Variants in GABRR3 observed in about 807,000 individuals in gnomAD.
GABRR3 encodes the protein gamma-aminobutyric acid type A receptor subunit rho3.
In GABRR3, 29 loss-of-function variants were observed where a neutral mutation model predicts 43.2. The ratio of observed to expected loss-of-function variants is 0.67; its 90% CI spans 0.50 to 0.92. The LOEUF (loss-of-function observed/expected upper bound fraction) is 0.92, where lower values mean the gene tolerates loss of function less well. Ranked by LOEUF, GABRR3 falls within the 40% of genes least tolerant of loss-of-function variation. The pLI is 0.00. For synonymous variants in GABRR3, 206 were observed against 195.9 expected (o/e 1.05, Z -0.43); for missense variants, 576 against 572.3 (o/e 1.01, Z -0.07).
chr3:98,003,443 G>T (rs1706679144), intron 7 of GABRR3, among the ~76,000 whole-genome samples: 1 of 150,110 alleles, frequency 6.7e-6, no homozygotes, highest in African/African-American at 2.5e-5. Flanking sequence ...GTGGGGTGGG[G>T]GCAGGGTGGA....
In GABRR3 at chr3:97,993,064, A is replaced by C. The variant is rs376493639; in HGVS notation, c.908-16T>G. 1.3e-6 allele frequency: 2 copies of C among 1,574,890 alleles called. No homozygotes were observed. Among genetic ancestry groups the C allele is most frequent in the South Asian group, 2.4e-5 (2 of 83,752 alleles). Reference sequence around the variant, plus strand: ...GTGGTGATTCCTGCCATTTGAGAATAGTGGCAAGCTCAGTGATATAGCCAT... The same window carrying C: ...GTGGTGATTCCTGCCATTTGAGAATCGTGGCAAGCTCAGTGATATAGCCAT... On this transcript the variant is annotated splice_polypyrimidine_tract_variant and intron_variant, in intron 8 of 9. Coordinates refer to ENST00000621172, the Ensembl canonical transcript of GABRR3.
intron 2 of GABRR3, among the ~76,000 whole-genome samples, chr3:98,026,505 G>C (rs140651470): frequency 6.6e-6 from 1 of 152,182 alleles, no homozygotes; most frequent in East Asian, 1.9e-4. Flanking sequence ...GGGTGTGGAG[G>C]GGAAATGTCT....
At chr3:97,986,054 C>T (rs956944343), downstream of GABRR3, among the ~76,000 whole-genome samples, 7 of 152,084 alleles carry the variant, frequency 4.6e-5, no homozygotes, top group Admixed American at 6.6e-5. Context: ...TTAGTAGAGA[C>T]GGGGTTTCAC....
At chr3:97,992,532 A>G (rs1706484498) in intron 9 of GABRR3, among the ~76,000 whole-genome samples, 1 of 152,172 alleles carries the variant, frequency 6.6e-6, no homozygotes, top group South Asian at 2.1e-4. Flanking sequence ...TATTATTATT[A>G]TCATCATCAT....
intron 5 of GABRR3, 75 bp downstream of exon 5, chr3:98,012,269 G>C: frequency 9.5e-7 from 1 of 1,055,024 alleles, no homozygotes; most frequent in Non-Finnish European, 1.4e-6. Flanking sequence ...AGTTTCATCT[G>C]AAATAAGCAT....
At chr3:98,017,794 GATTA>G in intron 3 of GABRR3, 72 bp from the exon 4 acceptor site, 1 of 1,082,394 alleles carries the variant, frequency 9.2e-7, no homozygotes, top group Middle Eastern at 2.0e-4. Context: ...AAAACAGAGA[GATTA>G]ATTCTCTTGG....
intron 8 of GABRR3, among the ~76,000 whole-genome samples, chr3:97,995,036 T>C (rs1706517364): frequency 6.6e-6 from 1 of 152,104 alleles, no homozygotes; most frequent in Admixed American, 6.5e-5. Context: ...TGGAGTGCAG[T>C]GGCACGATCT....
At chr3:98,025,723 C>T (rs1329248320) in intron 2 of GABRR3, 44 bp from the exon 3 acceptor site, 2 of 1,280,718 alleles carry the variant, frequency 1.6e-6, no homozygotes, top group East Asian at 4.7e-5. Context: ...GATACATATG[C>T]TTCTGGATAT....
At chr3:98,006,942 G>A (rs1019227907) in intron 7 of GABRR3, among the ~76,000 whole-genome samples, 2 of 152,072 alleles carry the variant, frequency 1.3e-5, no homozygotes, top group Non-Finnish European at 2.9e-5. Flanking sequence ...TCTGTTTGGG[G>A]CAATGATGCA....
chr3:97,990,349 T>TC (rs1327974574), intron 9 of GABRR3, among the ~76,000 whole-genome samples: 15 of 141,734 alleles, frequency 1.1e-4, no homozygotes, highest in African/African-American at 3.3e-4. Flanking sequence ...AGACTTCTTC[T>TC]TTTTTTTTTT....
At chr3:97,986,472 C>T (rs992207734), downstream of GABRR3, among the ~76,000 whole-genome samples, 13 of 152,322 alleles carry the variant, frequency 8.5e-5, no homozygotes, top group South Asian at 2.5e-3. Flanking sequence ...TCCCATAATA[C>T]ACATGCCTAT....
chr3:97,993,183 G>A (rs778405451), intron 8 of GABRR3, 135 bp from the exon 9 acceptor site: 30 of 587,750 alleles, frequency 5.1e-5, no homozygotes, highest in African/African-American at 7.5e-5. Context: ...GTGTGTGCAT[G>A]TTGACCAGCT....
chr3:98,015,884 C>T (rs561358232), intron 4 of GABRR3, among the ~76,000 whole-genome samples: 1 of 152,260 alleles, frequency 6.6e-6, no homozygotes, highest in African/African-American at 2.4e-5. Flanking sequence ...CATTTTCACA[C>T]TGCTATAGAG....
exon 9 of GABRR3, chr3:97,993,010 C>T: frequency 1.2e-6 from 2 of 1,612,112 alleles, no homozygotes; most frequent in South Asian, 1.1e-5. Flanking sequence ...GCGCTCACAG[C>T]AGTGATGATT....
Position 97,993,007 on chromosome 3 carries a change from C to CA in GABRR3, c.948dup (p.Val317CysfsTer31), listed in dbSNP as rs769452596. On this transcript the variant is annotated frameshift_variant, in exon 9 of 10. Transcript: ENST00000621172. LOFTEE classifies it high-confidence loss of function. Reference sequence around the variant, plus strand: ...GACACCTGGGGCATGGAGGCGCTCACAGCAGTGATGATTGTGGACATGGTC... The same window carrying CA: ...GACACCTGGGGCATGGAGGCGCTCACAAGCAGTGATGATTGTGGACATGGTC... 2.5e-6 allele frequency: 4 copies of CA among 1,612,396 alleles called. No homozygotes were observed. The highest frequency in any genetic ancestry group is 3.4e-6 in the Non-Finnish European group (4 of 1,179,030).
At chr3:98,004,892 A>T (rs1706704278) in intron 7 of GABRR3, among the ~76,000 whole-genome samples, 1 of 152,066 alleles carries the variant, frequency 6.6e-6, no homozygotes. Flanking sequence ...AACTAGTCTG[A>T]AAAAGACACT....
At chr3:97,987,085 C>A in intron 9 of GABRR3, 103 bp from the exon 10 acceptor site, 1 of 759,908 alleles carries the variant, frequency 1.3e-6, no homozygotes, top group Non-Finnish European at 2.1e-6. Context: ...ATCAGAACAG[C>A]AAGATAGGCC....
At chr3:98,004,638 G>A (rs1281176925) in intron 7 of GABRR3, among the ~76,000 whole-genome samples, 2 of 150,604 alleles carry the variant, frequency 1.3e-5, no homozygotes, top group Non-Finnish European at 3.0e-5. Flanking sequence ...CCAGGTCGTG[G>A]TGATTTTTGA....
In GABRR3 at chr3:98,001,605, A is replaced by C. The variant is rs769360160; in HGVS notation, c.907+10T>G. 1.9e-6 allele frequency: 3 copies of C among 1,612,334 alleles called. No homozygotes were observed. Among genetic ancestry groups the C allele is most frequent in the East Asian group, 4.5e-5 (2 of 44,882 alleles). On this transcript the variant is annotated intron_variant, in intron 8 of 9. Coordinates refer to ENST00000621172, the Ensembl canonical transcript of GABRR3. ...ATGTTAACATTTTATAAAGATGGGG[A>C]AAGATTTACCCAGGGAAACTCTTGC...
Sources: allele counts gnomAD v4.1 joint callset (sites outside exome capture counted in the v4.1 genomes callset), GRCh38; gene constraint gnomAD v4.1.1; transcripts MANE v1.5; gene names NCBI Gene and HGNC (gene_info 2026-07-23, HGNC 2026-07-21).